The following DSCC1 variants were observed in gnomAD, a reference collection of about 807,000 sequenced individuals.
The protein encoded by DSCC1 is sister chromatid cohesion protein DCC1.
DSCC1 carries 32 observed loss-of-function variants against 48.2 expected under a neutral mutation model. The observed-to-expected ratio is 0.66, with a 90% CI of 0.50 to 0.89. DSCC1 has a LOEUF of 0.89. Ranked by LOEUF, DSCC1 falls within the 40% of genes least tolerant of loss-of-function variation. DSCC1 has a pLI of 0.00. For synonymous variants in DSCC1, 150 were observed against 171.5 expected (o/e 0.87, Z 0.98); for missense variants, 421 against 471.7 (o/e 0.89, Z 1.00).
Position 119,841,913 on chromosome 8 carries a change from A to C in DSCC1, c.805T>G (p.Cys269Gly), listed in dbSNP as rs1378138152. The C allele has an allele frequency of 1.2e-6, 2 of 1,614,138 alleles. No individual in the cohort carries two copies. Among genetic ancestry groups the C allele is most frequent in the Non-Finnish European group, 1.7e-6 (2 of 1,180,008 alleles). Reference sequence around the variant, plus strand: ...AGTAGCATTCGTGCTGCTGCTCTACATATTTTATCAGCATCCAACTCAAAA... The same window carrying C: ...AGTAGCATTCGTGCTGCTGCTCTACCTATTTTATCAGCATCCAACTCAAAA... The part of the protein sequence containing the change: ...VYFELDADKI[C>G]RAAARMLLQN... The change falls in exon 7 of 9, where the codon TGT becomes GGT. Residue 269 changes from cysteine to glycine, a missense_variant. Around this residue, in one of 3 missense-constraint regions of DSCC1, gnomAD observed 238 missense variants for 259.0 expected, o/e 0.92. Coordinates refer to ENST00000313655, the MANE Select transcript of DSCC1 (RefSeq NM_024094.3).
chr8:119,853,067 A>G lies in DSCC1; in HGVS notation c.331T>C (p.Cys111Arg). The G allele has an allele frequency of 1.2e-6, 2 of 1,613,478 alleles. No homozygotes were observed. ...PDQLKKEDSH[C>R]NIIHTEIFGF... Reference sequence around the variant, plus strand: ...AGCACCTCAGTGTGAATAATGTTACAGTGTGAATCTTCCTTCTTCAACTGG... The same window carrying G: ...AGCACCTCAGTGTGAATAATGTTACGGTGTGAATCTTCCTTCTTCAACTGG... The change falls in exon 2 of 9, where the codon TGT becomes CGT. Residue 111 changes from cysteine to arginine, a missense_variant. Transcript: ENST00000313655.
At chr8:119,840,697 A>C (rs1387970729) in intron 7 of DSCC1, among the ~76,000 whole-genome samples, 1 of 152,100 alleles carries the variant, frequency 6.6e-6, no homozygotes, top group Non-Finnish European at 1.5e-5. Flanking sequence ...AGATCACCTG[A>C]GGTCAGGAGT....
In DSCC1 at chr8:119,855,815, G is replaced by A. The variant is rs746474129; in HGVS notation, c.-20C>T. Reference sequence around the variant, plus strand: ...CTTCATCGCAGCGCCGGGTCTAGGAGTCCCGCCGCGCCCGGGTGGCTGCGG... The same window carrying A: ...CTTCATCGCAGCGCCGGGTCTAGGAATCCCGCCGCGCCCGGGTGGCTGCGG... On this transcript the variant is annotated 5_prime_UTR_variant, in exon 1 of 9. Transcript: ENST00000313655. 2 of 1,444,180 alleles carry A rather than the reference G, an allele frequency of 1.4e-6. No homozygotes were observed. The highest frequency in any genetic ancestry group is 9.1e-7 in the Non-Finnish European group (1 of 1,098,884). The allele number at this position is 1,444,180 out of a possible 1,614,324, so 89.5% of individuals were successfully genotyped here.
intron 5 of DSCC1, 52 bp downstream of exon 5, chr8:119,843,557 A>T: frequency 1.3e-6 from 2 of 1,569,068 alleles, no homozygotes; most frequent in Non-Finnish European, 1.7e-6. Context: ...TCTGTAAAAC[A>T]ACTCCCTTCC....
rs569974257 is a variant in DSCC1 at position 119,849,905 on chromosome 8, T to C, written c.486+477A>G. On this transcript the variant is annotated intron_variant, in intron 3 of 8. Transcript: ENST00000313655. Reference sequence around the variant, plus strand: ...AAAATTTTAAAACTGTTTTTTACTTTGTTTATGTTTTTCCATACTTTCAGG... The same window carrying C: ...AAAATTTTAAAACTGTTTTTTACTTCGTTTATGTTTTTCCATACTTTCAGG... 2.0e-5 allele frequency among the ~76,000 whole-genome samples: 3 copies of C among 152,194 alleles called. No individual in the cohort carries two copies. In the South Asian group the frequency reaches 6.2e-4, roughly 31 times the overall value.
intron 2 of DSCC1, among the ~76,000 whole-genome samples, chr8:119,851,718 G>A (rs944894780): frequency 2.6e-5 from 4 of 152,012 alleles, no homozygotes; most frequent in African/African-American, 4.8e-5. Flanking sequence ...CAACCACTCC[G>A]TTACTCCTGG....
rs1239686328 is a variant in DSCC1, at chr8:119,841,961, T to A, written c.770-13A>T. The A allele has an allele frequency of 6.2e-7, 1 of 1,611,840 alleles. No individual in the cohort carries two copies. Among genetic ancestry groups the A allele is most frequent in the Admixed American group, 1.7e-5 (1 of 59,894 alleles). On this transcript the variant is annotated splice_polypyrimidine_tract_variant and intron_variant, in intron 6 of 8. Transcript: ENST00000313655. ...AAATAAACTTCGCCTAAGGAAAAGT[T>A]ATCAGATATTTTCATATTATCATCT...
At position 119,853,160 on chromosome 8, in the gene DSCC1, T is replaced by A. The variant is rs532439873; in HGVS notation, c.238A>T (p.Thr80Ser). 24 of 1,614,140 alleles carry A rather than the reference T, an allele frequency of 1.5e-5. No individual in the cohort carries two copies. Among genetic ancestry groups the A allele is most frequent in the Non-Finnish European group, 1.9e-5 (23 of 1,180,006 alleles). ...GTGTCTGCTATCTTCAAGTCGTATG[T>A]TTTGTCTTTACTGCACAGCACAGCT... ...EQAVLCSKDK[T>S]YDLKIADTSN... Residue 80 changes from threonine to serine, a missense_variant, in exon 2 of 9, where the codon ACA becomes TCA. This residue lies in a region of DSCC1 where 174 missense variants were observed against 184.5 expected (regional missense o/e 0.94). Transcript: ENST00000313655.
intron 3 of DSCC1, among the ~76,000 whole-genome samples, chr8:119,849,340 A>C (rs1274668090): frequency 2.0e-5 from 3 of 152,214 alleles, no homozygotes; most frequent in Non-Finnish European, 4.4e-5. Context: ...CAGGAGGCAG[A>C]GGTTGCAGTG....
In DSCC1 at chr8:119,834,846, C is replaced by G; in HGVS notation, c.*47G>C. On this transcript the variant is annotated 3_prime_UTR_variant, in exon 9 of 9. Transcript: ENST00000313655. The stretch of plus-strand genomic sequence containing the variant: ...TACAAGTTATTTTTCTTCTATCCAG[C>G]AACTTTATAAAGCAACTTGAGTCCT... 7.7e-7 allele frequency: 1 copy of G among 1,299,080 alleles called. No homozygotes were observed. The highest frequency in any genetic ancestry group is 1.1e-6 in the Non-Finnish European group (1 of 906,606). 80.5% of individuals were successfully genotyped at this position (1,299,080 alleles called of 1,614,324 possible).
intron 8 of DSCC1, among the ~76,000 whole-genome samples, chr8:119,837,499 G>A (rs1024964347): frequency 2.6e-5 from 4 of 152,190 alleles, no homozygotes; most frequent in Admixed American, 6.5e-5. Context: ...AGAAGATGTA[G>A]AAGAAGCTCC....
intron 4 of DSCC1, among the ~76,000 whole-genome samples, chr8:119,844,078 A>G (rs182170726): frequency 2.8e-3 from 427 of 152,090 alleles, no homozygotes; most frequent in Non-Finnish European, 3.9e-3. Flanking sequence ...TGCCGGCCCA[A>G]AGAACATTTT....
intron 7 of DSCC1, among the ~76,000 whole-genome samples, chr8:119,841,075 T>G (rs1218984467): frequency 6.6e-6 from 1 of 151,646 alleles, no homozygotes; most frequent in East Asian, 2.0e-4. Context: ...CCCTGCAACC[T>G]CCGCCTCCCA....
intron 3 of DSCC1, among the ~76,000 whole-genome samples, chr8:119,848,555 G>T (rs1826895131): frequency 6.6e-6 from 1 of 152,214 alleles, no homozygotes; most frequent in Non-Finnish European, 1.5e-5. Context: ...TCTGGAAACA[G>T]TACGGCAGCT....
intron 3 of DSCC1, 116 bp downstream of exon 3, chr8:119,850,266 A>ACACAAG: frequency 9.3e-7 from 1 of 1,072,230 alleles, no homozygotes; most frequent in South Asian, 2.3e-5. Flanking sequence ...AACTTTTTTA[A>ACACAAG]CACAAGCATT....
chr8:119,848,981 G>A (rs1163542062), intron 3 of DSCC1, among the ~76,000 whole-genome samples: 2 of 151,852 alleles, frequency 1.3e-5, no homozygotes, highest in Non-Finnish European at 2.9e-5. Flanking sequence ...TCAGGAGATC[G>A]AGACCATCCT....
intron 4 of DSCC1, among the ~76,000 whole-genome samples, chr8:119,845,729 A>C (rs1271113147): frequency 1.3e-5 from 2 of 152,026 alleles, no homozygotes; most frequent in East Asian, 3.9e-4. Flanking sequence ...CAGGAGGATC[A>C]CCTGAGCTGA....
At chr8:119,835,214 A>G (rs2131288846) in intron 8 of DSCC1, among the ~76,000 whole-genome samples, 1 of 152,282 alleles carries the variant, frequency 6.6e-6, no homozygotes, top group South Asian at 2.1e-4. Flanking sequence ...CCACACAATA[A>G]AAGTAGGAGT....
At chr8:119,843,299 A>G (rs1826802057) in intron 5 of DSCC1, among the ~76,000 whole-genome samples, 1 of 151,958 alleles carries the variant, frequency 6.6e-6, no homozygotes, top group African/African-American at 2.4e-5. Flanking sequence ...CGTGTTGGCC[A>G]GGACAGTCTT....
Sources: allele counts gnomAD v4.1 joint callset (sites outside exome capture counted in the v4.1 genomes callset), GRCh38; gene constraint gnomAD v4.1.1; regional missense constraint gnomAD v4.1.1; transcripts MANE v1.5; gene names NCBI Gene and HGNC (gene_info 2026-07-23, HGNC 2026-07-21).